DSCAM: variants seen among roughly 807,000 people sequenced by gnomAD.
DSCAM encodes cell adhesion molecule DSCAM.
In DSCAM, 47 loss-of-function variants were observed where a neutral mutation model predicts 217.7. That is an observed-to-expected ratio of 0.22 (90% CI 0.17 to 0.28). The LOEUF is 0.28. DSCAM is among the 10% of genes least tolerant of loss of function. The probability of loss-of-function intolerance (pLI) is 1.00; values close to 1 mark genes in which losing one functional copy is unlikely to be tolerated. For synonymous variants in DSCAM, 1,056 were observed against 1,015.3 expected (o/e 1.04, Z -0.76); for missense variants, 2,080 against 2,618.3 (o/e 0.79, Z 4.49).
intron 3 of DSCAM, among the ~76,000 whole-genome samples, chr21:40,636,987 T>C (rs920266094): frequency 1.3e-5 from 2 of 149,082 alleles, no homozygotes; most frequent in Non-Finnish European, 3.0e-5. Context: ...GTTCCCTGTA[T>C]AGACCAAAGA....
intron 3 of DSCAM, among the ~76,000 whole-genome samples, chr21:40,669,948 A>T (rs1030586836): frequency 2.3e-4 from 5 of 21,670 alleles, no homozygotes; most frequent in African/African-American, 1.1e-3. Context: ...TGGCTATAAT[A>T]AAAAAAAAAG....
At chr21:40,656,663 A>T (rs1485846666) in intron 3 of DSCAM, among the ~76,000 whole-genome samples, 2 of 152,230 alleles carry the variant, frequency 1.3e-5, no homozygotes, top group Non-Finnish European at 2.9e-5. Context: ...AGTGAATTGC[A>T]ATAATAAAAT....
At chr21:40,083,023 C>T (rs2089484384) in intron 24 of DSCAM, among the ~76,000 whole-genome samples, 2 of 152,210 alleles carry the variant, frequency 1.3e-5, no homozygotes, top group Non-Finnish European at 2.9e-5. Context: ...CCCCTATTCT[C>T]TCTCCCCGGC....
chr21:40,732,999 C>G (rs1048070939), intron 1 of DSCAM, among the ~76,000 whole-genome samples: 1 of 152,150 alleles, frequency 6.6e-6, no homozygotes, highest in Non-Finnish European at 1.5e-5. Context: ...TGGGAAAATA[C>G]TCTCATCTAT....
intron 3 of DSCAM, among the ~76,000 whole-genome samples, chr21:40,636,293 G>C (rs1156436781): frequency 6.6e-6 from 1 of 151,924 alleles, no homozygotes; most frequent in Non-Finnish European, 1.5e-5. Flanking sequence ...GGTTCTCGGG[G>C]GCTTAGAATG....
At chr21:40,257,997 C>T (rs1490123059) in intron 11 of DSCAM, among the ~76,000 whole-genome samples, 1 of 152,200 alleles carries the variant, frequency 6.6e-6, no homozygotes, top group Non-Finnish European at 1.5e-5. Flanking sequence ...TGCACATTTA[C>T]AATCAATGGC....
chr21:40,759,204 C>T (rs2091305973), intron 1 of DSCAM, among the ~76,000 whole-genome samples: 1 of 152,052 alleles, frequency 6.6e-6, no homozygotes, highest in African/African-American at 2.4e-5. Context: ...CAAGAGGATT[C>T]CAGGTTGGAT....
At chr21:40,577,663 G>T (rs2076864679) in intron 3 of DSCAM, among the ~76,000 whole-genome samples, 1 of 152,196 alleles carries the variant, frequency 6.6e-6, no homozygotes, top group Non-Finnish European at 1.5e-5. Flanking sequence ...CTGAAGAAGG[G>T]GGTAGATTTT....
chr21:40,030,054 A>C (rs1247488848), intron 32 of DSCAM, among the ~76,000 whole-genome samples: 1 of 152,228 alleles, frequency 6.6e-6, no homozygotes, highest in Non-Finnish European at 1.5e-5. Flanking sequence ...ACATGCATGG[A>C]CACATATATG....
chr21:40,730,174 G>A (rs2090998706), intron 1 of DSCAM, among the ~76,000 whole-genome samples: 1 of 152,160 alleles, frequency 6.6e-6, no homozygotes, highest in East Asian at 1.9e-4. Context: ...CCGGGGCGCA[G>A]GAGGTCATAA....
chr21:40,078,453 C>A (rs77916028), intron 26 of DSCAM, among the ~76,000 whole-genome samples: 2 of 152,138 alleles, frequency 1.3e-5, no homozygotes, highest in South Asian at 2.1e-4. Flanking sequence ...CCATGACTCC[C>A]CAGTGAGACT....
intron 20 of DSCAM, among the ~76,000 whole-genome samples, chr21:40,117,983 G>A (rs551364932): frequency 2.0e-5 from 3 of 151,968 alleles, no homozygotes; most frequent in African/African-American, 7.2e-5. Flanking sequence ...ACACACACGT[G>A]CACAAATGCA....
At chr21:40,371,894 T>C (rs568882049) in intron 3 of DSCAM, among the ~76,000 whole-genome samples, 22 of 152,326 alleles carry the variant, frequency 1.4e-4, no homozygotes. Flanking sequence ...TGCAAAAATT[T>C]AAAAAATTGC....
intron 1 of DSCAM, among the ~76,000 whole-genome samples, chr21:40,764,542 C>T (rs1433535762): frequency 3.3e-5 from 5 of 152,074 alleles, no homozygotes; most frequent in Admixed American, 1.3e-4. Context: ...GACAGTGTGG[C>T]GATTCCTCAA....
At chr21:40,105,324 G>A (rs147289193) in intron 20 of DSCAM, among the ~76,000 whole-genome samples, 1 of 152,226 alleles carries the variant, frequency 6.6e-6, no homozygotes, top group African/African-American at 2.4e-5. Flanking sequence ...TGTTCACTGT[G>A]TGATATGGGT....
intron 32 of DSCAM, among the ~76,000 whole-genome samples, chr21:40,040,250 G>A (rs1285459471): frequency 2.6e-5 from 4 of 152,150 alleles, no homozygotes; most frequent in Non-Finnish European, 5.9e-5. Flanking sequence ...ATTTTACTCT[G>A]AATAGTCTAT....
intron 1 of DSCAM, among the ~76,000 whole-genome samples, chr21:40,770,236 G>A (rs555210491): frequency 6.6e-6 from 1 of 152,056 alleles, no homozygotes; most frequent in African/African-American, 2.4e-5. Flanking sequence ...TTAAAAGACT[G>A]GTCTCCTTAA....
chr21:40,094,795 A>G (rs148037671), intron 20 of DSCAM, among the ~76,000 whole-genome samples: 16 of 152,352 alleles, frequency 1.1e-4, no homozygotes, highest in African/African-American at 3.6e-4. Context: ...TTCCTAAATA[A>G]CTTAACTACA....
At chr21:40,215,457 C>T (rs1440496351) in intron 11 of DSCAM, among the ~76,000 whole-genome samples, 1 of 144,830 alleles carries the variant, frequency 6.9e-6, no homozygotes, top group African/African-American at 2.5e-5. Flanking sequence ...GATATATATA[C>T]CATGAAATGC....
Sources: gnomAD v4.1 joint callset for allele counts (sites outside exome capture counted in the v4.1 genomes callset) on GRCh38, gnomAD v4.1.1 for gene constraint, MANE v1.5 for transcripts, NCBI Gene and HGNC (gene_info 2026-07-23, HGNC 2026-07-21) for gene names.